Variants in SNX30 observed in about 807,000 individuals in gnomAD.
SNX30 encodes sorting nexin-30.
Under a neutral mutation model 46.4 loss-of-function variants are expected in SNX30, and 24 were observed. That is an observed-to-expected ratio of 0.52 (90% CI 0.37 to 0.73). The LOEUF (loss-of-function observed/expected upper bound fraction) is 0.73. SNX30 is among the 30% of genes least tolerant of loss of function. SNX30 has a pLI of 0.00. For missense variants in SNX30, 533 were observed against 555.7 expected (o/e 0.96, Z 0.41); for synonymous variants, 189 against 211.5 (o/e 0.89, Z 0.92).
chr9:112,775,542 T>TTTTGTGTGTGTG (rs1554749284), intron 1 of SNX30, among the ~76,000 whole-genome samples: 3 of 131,412 alleles, frequency 2.3e-5, no homozygotes, highest in South Asian at 2.7e-4. Flanking sequence ...TATTTTAAAT[T>TTTTGTGTGTGTG]TGTGTGTGTG....
intron 6 of SNX30, among the ~76,000 whole-genome samples, chr9:112,847,927 AC>A (rs1165889268): frequency 6.6e-6 from 1 of 152,012 alleles, no homozygotes; most frequent in African/African-American, 2.4e-5. Context: ...TATATATTTT[AC>A]TTGCTTCTTG....
chr9:112,832,805 AAT>A (rs952440644), intron 4 of SNX30, among the ~76,000 whole-genome samples: 10 of 146,894 alleles, frequency 6.8e-5, no homozygotes, highest in Middle Eastern at 3.6e-3. Flanking sequence ...AATTAGAAAA[AAT>A]ATATATTATA....
chr9:112,759,663 A>T (rs2131348963), intron 1 of SNX30, among the ~76,000 whole-genome samples: 1 of 151,084 alleles, frequency 6.6e-6, no homozygotes, highest in South Asian at 2.1e-4. Context: ...GGGGAGGTGG[A>T]GGTTGCAGTG....
chr9:112,757,475 T>C (rs1839369314), intron 1 of SNX30, among the ~76,000 whole-genome samples: 1 of 152,218 alleles, frequency 6.6e-6, no homozygotes, highest in Admixed American at 6.5e-5. Flanking sequence ...AGTGCAGATA[T>C]CTTTATGAGG....
At chr9:112,758,984 G>C (rs1170163255) in intron 1 of SNX30, among the ~76,000 whole-genome samples, 1 of 151,798 alleles carries the variant, frequency 6.6e-6, no homozygotes, top group East Asian at 1.9e-4. Context: ...CAGAGAGAAA[G>C]AGTAAAGGAA....
downstream of SNX30, among the ~76,000 whole-genome samples, chr9:112,876,093 T>C (rs1044736281): frequency 7.2e-5 from 11 of 152,182 alleles, no homozygotes; most frequent in African/African-American, 2.7e-4. Flanking sequence ...GGCCCTGTTT[T>C]CTTTTTAACA....
chr9:112,774,707 A>G (rs972008336), intron 1 of SNX30, among the ~76,000 whole-genome samples: 5 of 152,124 alleles, frequency 3.3e-5, no homozygotes, highest in African/African-American at 1.2e-4. Context: ...CATGATTACT[A>G]ATGATGCTGA....
rs1840805259 is a variant in SNX30, at chr9:112,838,590, G to C, written c.907G>C (p.Ala303Pro). Residue 303 changes from alanine (A) to proline (P), a missense_variant, in exon 6 of 9, where the codon GCT (alanine) becomes CCT (proline). Ala to Pro is a conservative substitution (Grantham distance 27). Transcript: ENST00000374232. ...GGCTGAACCCCTGGAGGGTGTGTCAGCTTGCATTGGGAACTGCTCTACAGC... is the reference window on the plus strand; with the variant it reads ...GGCTGAACCCCTGGAGGGTGTGTCACCTTGCATTGGGAACTGCTCTACAGC... ...ELAEPLEGVS[A>P]CIGNCSTALE... 1 of 1,614,232 alleles carries C rather than the reference G, an allele frequency of 6.2e-7. No homozygotes were observed. The highest frequency in any genetic ancestry group is 8.5e-7 in the Non-Finnish European group (1 of 1,180,028).
intron 6 of SNX30, among the ~76,000 whole-genome samples, chr9:112,844,417 A>G (rs1229245902): frequency 3.3e-5 from 5 of 152,142 alleles, no homozygotes; most frequent in Non-Finnish European, 7.3e-5. Context: ...GGGAGTCATT[A>G]GTGTATGAAT....
At chr9:112,789,336 G>A (rs1351747299) in intron 1 of SNX30, among the ~76,000 whole-genome samples, 1 of 152,080 alleles carries the variant, frequency 6.6e-6, no homozygotes, top group East Asian at 1.9e-4. Context: ...GGAATGTCCT[G>A]GCCAAGCTCT....
chr9:112,750,687 C>A (rs530346494), upstream of SNX30, among the ~76,000 whole-genome samples: 2 of 151,560 alleles, frequency 1.3e-5, no homozygotes, highest in Admixed American at 1.3e-4. Context: ...TCCCCGCCCC[C>A]TCCCGGGCGG....
chr9:112,765,690 A>G (rs1839524622), intron 1 of SNX30, among the ~76,000 whole-genome samples: 1 of 152,228 alleles, frequency 6.6e-6, no homozygotes, highest in Non-Finnish European at 1.5e-5. Context: ...CTTAAGATGT[A>G]CAACATGTTT....
At chr9:112,826,529 A>T (rs1664052511) in intron 3 of SNX30, among the ~76,000 whole-genome samples, 1 of 152,194 alleles carries the variant, frequency 6.6e-6, no homozygotes, top group Non-Finnish European at 1.5e-5. Flanking sequence ...GATGTTGAAG[A>T]TACAGGGAAG....
At chr9:112,773,806 C>T (rs977708299) in intron 1 of SNX30, among the ~76,000 whole-genome samples, 3 of 152,150 alleles carry the variant, frequency 2.0e-5, no homozygotes, top group East Asian at 1.9e-4. Flanking sequence ...AACAAATAAG[C>T]AGCTCACAAT....
At chr9:112,768,065 G>C (rs897633801) in intron 1 of SNX30, among the ~76,000 whole-genome samples, 1 of 152,160 alleles carries the variant, frequency 6.6e-6, no homozygotes, top group African/African-American at 2.4e-5. Context: ...GTGCTGCCTT[G>C]TATGGATCAT....
At position 112,817,401 on chromosome 9, in the gene SNX30, C is replaced by CTTTTTTTTTTTTTTTTTTTTTTTTTTT. The variant is rs56856142; in HGVS notation, c.349-300_349-274dup. On this transcript the variant is annotated intron_variant, in intron 2 of 8. Transcript: ENST00000374232. ...CGGTAGGGAAAAAAAAAAAAACTGG[C>CTTTTTTTTTTTTTTTTTTTTTTTTTTT]TTTTTTTTTTTTTTTTTTTTTTTTT... Among the ~76,000 whole-genome samples, 23 of 46,836 alleles carry CTTTTTTTTTTTTTTTTTTTTTTTTTTT rather than the reference C, an allele frequency of 4.9e-4. 7 individuals carry two copies. The highest frequency in any genetic ancestry group is 3.9e-3 in the South Asian group (3 of 764). 30.7% of individuals were successfully genotyped at this position (46,836 alleles called of 152,430 possible). A position where few individuals can be genotyped will look rare whatever the true frequency, so the allele number is the denominator to read the frequency against.
chr9:112,778,520 C>T (rs1220888995), intron 1 of SNX30, among the ~76,000 whole-genome samples: 2 of 152,154 alleles, frequency 1.3e-5, no homozygotes, highest in African/African-American at 2.4e-5. Context: ...GATCCGCCAG[C>T]CTCGGCCTCC....
intron 7 of SNX30, 79 bp downstream of exon 7, chr9:112,851,024 G>A: frequency 1.8e-6 from 2 of 1,125,010 alleles, no homozygotes; most frequent in South Asian, 2.7e-5. Context: ...CTCTAGATCT[G>A]TATGACTAAG....
intron 1 of SNX30, among the ~76,000 whole-genome samples, chr9:112,776,632 A>C (rs1398155106): frequency 6.6e-6 from 1 of 152,140 alleles, no homozygotes; most frequent in African/African-American, 2.4e-5. Context: ...GCTCATGTCT[A>C]TGTGTGTGTA....
Sources: gnomAD v4.1 joint callset for allele counts (sites outside exome capture counted in the v4.1 genomes callset) on GRCh38, gnomAD v4.1.1 for gene constraint, MANE v1.5 for transcripts, NCBI Gene and HGNC (gene_info 2026-07-23, HGNC 2026-07-21) for gene names.